Variants in KMO observed in about 807,000 individuals in gnomAD.
KMO encodes kynurenine 3-monooxygenase.
A neutral mutation model predicts 57.8 loss-of-function variants in KMO; 24 were observed. That is an observed-to-expected ratio of 0.42 (90% CI 0.30 to 0.58). The LOEUF (loss-of-function observed/expected upper bound fraction) is 0.58. KMO is among the 20% of genes least tolerant of loss of function. KMO has a pLI of 0.22. For synonymous variants in KMO, 210 were observed against 193.6 expected (o/e 1.08, Z -0.70); for missense variants, 483 against 588.2 (o/e 0.82, Z 1.85).
At chr1:241,561,817 C>T (rs990364132) in intron 6 of KMO, among the ~76,000 whole-genome samples, 4 of 152,108 alleles carry the variant, frequency 2.6e-5, no homozygotes, top group Non-Finnish European at 4.4e-5. Flanking sequence ...ATGTATTGTT[C>T]TTAGAAAATC....
chr1:241,560,906 A>G (rs182476039), intron 6 of KMO, among the ~76,000 whole-genome samples, 154 bp downstream of exon 6: 2 of 152,356 alleles, frequency 1.3e-5, no homozygotes, highest in East Asian at 3.9e-4. Context: ...TTAGATTGCA[A>G]ATAGGCCCTG....
At chr1:241,547,333 G>A (rs1461339350) in intron 1 of KMO, among the ~76,000 whole-genome samples, 1 of 151,964 alleles carries the variant, frequency 6.6e-6, no homozygotes, top group East Asian at 1.9e-4. Context: ...ATAGACTATA[G>A]CATTTAAGAA....
rs1257790231 is a variant in KMO, at chr1:241,592,779, T to TATCTATC, written c.*627_*633dup. 3 of 149,254 alleles carry TATCTATC rather than the reference T, an allele frequency of 2.0e-5. No homozygotes were observed. Among genetic ancestry groups the TATCTATC allele is most frequent in the African/African-American group, 7.3e-5 (3 of 41,078 alleles). The allele number at this position is 149,254 out of a possible 1,614,324, so 9.2% of individuals were successfully genotyped here. A position where few individuals can be genotyped will look rare whatever the true frequency, so the allele number is the denominator to read the frequency against. The stretch of plus-strand genomic sequence containing the variant: ...TCATCTATCTATCTATCTATCTATC[T>TATCTATC]ATCTATCTATCTATCTATCTCTATT... On this transcript the variant is annotated 3_prime_UTR_variant, in exon 15 of 15. Transcript: ENST00000366559.
intron 4 of KMO, among the ~76,000 whole-genome samples, chr1:241,553,740 C>G (rs765811591): frequency 6.6e-6 from 1 of 152,036 alleles, no homozygotes; most frequent in Non-Finnish European, 1.5e-5. Context: ...TGAATGTTTC[C>G]TAACATAATT....
chr1:241,562,459 T>C (rs1661884741), intron 7 of KMO, 127 bp downstream of exon 7: 1 of 851,606 alleles, frequency 1.2e-6, no homozygotes, highest in African/African-American at 1.7e-5. Flanking sequence ...AAGAACTTTG[T>C]AATGAAGAAT....
chr1:241,549,486 T>C (rs1661317257), intron 2 of KMO, among the ~76,000 whole-genome samples, 191 bp from the exon 3 acceptor site: 1 of 152,130 alleles, frequency 6.6e-6, no homozygotes, highest in African/African-American at 2.4e-5. Flanking sequence ...ACTAGTTTTG[T>C]TTAAAAAAAA....
At chr1:241,582,606 AT>A (rs1392981848) in intron 10 of KMO, among the ~76,000 whole-genome samples, 1 of 152,122 alleles carries the variant, frequency 6.6e-6, no homozygotes, top group Non-Finnish European at 1.5e-5. Flanking sequence ...TGTCTGCTTG[AT>A]TTTTAAAAAT....
At chr1:241,574,882 C>A (rs1662448264) in intron 10 of KMO, among the ~76,000 whole-genome samples, 1 of 151,986 alleles carries the variant, frequency 6.6e-6, no homozygotes, top group Admixed American at 6.6e-5. Context: ...AACTGTGAGT[C>A]CTTCTGGTCC....
chr1:241,560,111 G>A (rs935845272), intron 5 of KMO, among the ~76,000 whole-genome samples: 12 of 152,082 alleles, frequency 7.9e-5, no homozygotes, highest in African/African-American at 2.7e-4. Context: ...AGAAAATTAC[G>A]AAAATAATTT....
At chr1:241,574,153 T>C (rs548837907) in intron 10 of KMO, among the ~76,000 whole-genome samples, 50 of 152,290 alleles carry the variant, frequency 3.3e-4, no homozygotes, top group African/African-American at 8.2e-4. Context: ...ATTTATAAAA[T>C]CTGGGAGTCT....
At chr1:241,557,176 C>T (rs577828483) in intron 5 of KMO, among the ~76,000 whole-genome samples, 7 of 152,242 alleles carry the variant, frequency 4.6e-5, no homozygotes, top group East Asian at 3.9e-4. Context: ...AAAAAGCCTA[C>T]GTGTTCATGG....
At chr1:241,565,695 G>T (rs376757090) in intron 8 of KMO, among the ~76,000 whole-genome samples, 3 of 151,994 alleles carry the variant, frequency 2.0e-5, no homozygotes, top group African/African-American at 7.2e-5. Flanking sequence ...TTGCATTCCA[G>T]CCTGGACAAC....
In KMO at chr1:241,590,076, C is replaced by T. The variant is rs139031464; in HGVS notation, c.1163C>T (p.Ala388Val). Residue 388 changes from alanine (A) to valine (V), a missense_variant, in exon 13 of 15, where the codon GCG becomes GTG. Physicochemically the swap from Ala to Val is moderately conservative, Grantham distance 64. Transcript: ENST00000366559. ...FQKNMERFLH[A>V]IMPSTFIPLY... ...AAGAACATGGAGAGATTTCTTCATG[C>T]GATTATGCCATCGACCTTTATCCCT... 801 of 1,613,794 alleles carry T rather than the reference C, an allele frequency of 5.0e-4. 2 individuals carry two copies. Among genetic ancestry groups the T allele is most frequent in the African/African-American group, 4.2e-3 (318 of 75,012 alleles).
intron 14 of KMO, 35 bp downstream of exon 14, chr1:241,590,298 T>C: frequency 1.3e-6 from 2 of 1,510,230 alleles, no homozygotes; most frequent in Non-Finnish European, 1.8e-6. Flanking sequence ...TTTTTTAATG[T>C]GGTGTTTTGA....
At chr1:241,580,258 A>G (rs1662698961) in intron 10 of KMO, among the ~76,000 whole-genome samples, 1 of 152,154 alleles carries the variant, frequency 6.6e-6, no homozygotes, top group South Asian at 2.1e-4. Flanking sequence ...GTATCTCTAC[A>G]TAGTCTCTAC....
intron 1 of KMO, among the ~76,000 whole-genome samples, chr1:241,537,768 A>T (rs1337651502): frequency 1.3e-5 from 2 of 152,114 alleles, no homozygotes; most frequent in Non-Finnish European, 2.9e-5. Flanking sequence ...CTCCTTTATA[A>T]AATCATCAGA....
intron 10 of KMO, among the ~76,000 whole-genome samples, chr1:241,579,682 G>A (rs1254870205): frequency 6.6e-6 from 1 of 152,072 alleles, no homozygotes; most frequent in Admixed American, 6.6e-5. Context: ...GACAGCAACT[G>A]GTGACTTTCA....
chr1:241,588,348 T>C (rs1464236351), intron 11 of KMO, among the ~76,000 whole-genome samples: 1 of 142,976 alleles, frequency 7.0e-6, no homozygotes, highest in Non-Finnish European at 1.5e-5. Context: ...TTTTTTTTTT[T>C]TTTTTGGTTA....
intron 1 of KMO, among the ~76,000 whole-genome samples, chr1:241,546,808 A>G (rs78075210): frequency 0.018 from 2,804 of 152,260 alleles, 96 homozygotes; most frequent in African/African-American, 0.065. Flanking sequence ...ATTTGCATGC[A>G]TGAGCTCAAA....
Sources: allele counts gnomAD v4.1 joint callset (sites outside exome capture counted in the v4.1 genomes callset), GRCh38; gene constraint gnomAD v4.1.1; transcripts MANE v1.5; gene names NCBI Gene and HGNC (gene_info 2026-07-23, HGNC 2026-07-21).